JMJD1C: variants seen among roughly 807,000 people sequenced by gnomAD.
The protein encoded by JMJD1C is jumonji domain-containing protein 1C.
In JMJD1C, 31 loss-of-function variants were observed where a neutral mutation model predicts 245.3. That is an observed-to-expected ratio of 0.13 (90% CI 0.09 to 0.17). The LOEUF is 0.17. JMJD1C is among the 10% of genes least tolerant of loss of function. JMJD1C has a pLI of 1.00. For synonymous variants in JMJD1C, 1,057 were observed against 1,017.4 expected, an observed-to-expected ratio of 1.04 and a Z score of -0.74; for missense variants, 2,691 against 3,000.2, an observed-to-expected ratio of 0.90 and a Z score of 2.41.
chr10:63,334,370 C>A (rs1033119233), intron 2 of JMJD1C, among the ~76,000 whole-genome samples: 4 of 152,082 alleles, frequency 2.6e-5, no homozygotes, highest in South Asian at 2.1e-4. Context: ...TACTAATGAA[C>A]ACAGATGAAT....
chr10:63,405,568 C>T (rs1949120062), intron 1 of JMJD1C, among the ~76,000 whole-genome samples: 1 of 152,092 alleles, frequency 6.6e-6, no homozygotes, highest in African/African-American at 2.4e-5. Flanking sequence ...AGTGATCCAC[C>T]CACCTCAGTC....
intron 2 of JMJD1C, among the ~76,000 whole-genome samples, chr10:63,369,228 C>G (rs575644878): frequency 2.6e-5 from 4 of 152,082 alleles, no homozygotes; most frequent in African/African-American, 9.6e-5. Context: ...ACTGCAACCT[C>G]TGCCTTCCAG....
At chr10:63,201,801 A>G (rs1259509011) in intron 10 of JMJD1C, among the ~76,000 whole-genome samples, 1 of 151,940 alleles carries the variant, frequency 6.6e-6, no homozygotes, top group African/African-American at 2.4e-5. Context: ...ATGGTGGCGC[A>G]TACCTGTAGT....
intron 2 of JMJD1C, among the ~76,000 whole-genome samples, chr10:63,307,310 T>C (rs1346681078): frequency 6.6e-6 from 1 of 152,348 alleles, no homozygotes; most frequent in African/African-American, 2.4e-5. Context: ...TGCATTTCAG[T>C]ATATTTCAAT....
At chr10:63,453,291 A>C (rs1952187292) in intron 1 of JMJD1C, among the ~76,000 whole-genome samples, 1 of 152,228 alleles carries the variant, frequency 6.6e-6, no homozygotes, top group Non-Finnish European at 1.5e-5. Context: ...ACCAAAACAA[A>C]AATAGTTAAA....
At chr10:63,234,867 T>C (rs928186197) in intron 3 of JMJD1C, among the ~76,000 whole-genome samples, 5 of 152,142 alleles carry the variant, frequency 3.3e-5, no homozygotes, top group Non-Finnish European at 7.4e-5. Context: ...TTATAAAACC[T>C]TTGCTAGTCA....
chr10:63,275,820 CTTT>C (rs921156330), intron 2 of JMJD1C, among the ~76,000 whole-genome samples: 1 of 152,108 alleles, frequency 6.6e-6, no homozygotes, highest in Non-Finnish European at 1.5e-5. Flanking sequence ...ACTTTCAGCC[CTTT>C]TTTTCCTCAC....
At chr10:63,483,506 T>G (rs1038663509) in intron 1 of JMJD1C, among the ~76,000 whole-genome samples, 2 of 152,222 alleles carry the variant, frequency 1.3e-5, no homozygotes, top group Non-Finnish European at 2.9e-5. Flanking sequence ...TCACCCTCCA[T>G]GTGACAACCA....
chr10:63,448,470 A>C (rs1951841144), intron 1 of JMJD1C, among the ~76,000 whole-genome samples: 1 of 152,128 alleles, frequency 6.6e-6, no homozygotes, highest in South Asian at 2.1e-4. Context: ...ATACATTTTA[A>C]AATATCACAA....
chr10:63,449,925 C>T (rs941724772), intron 1 of JMJD1C, among the ~76,000 whole-genome samples: 2 of 151,896 alleles, frequency 1.3e-5, no homozygotes, highest in African/African-American at 2.4e-5. Context: ...CCAGCCTGGG[C>T]AACAAAGGGA....
chr10:63,305,107 A>G (rs186211019), intron 2 of JMJD1C, among the ~76,000 whole-genome samples: 3 of 151,952 alleles, frequency 2.0e-5, no homozygotes, highest in Admixed American at 1.3e-4. Flanking sequence ...GGTGGCTCAC[A>G]CCTGTAATCC....
At chr10:63,299,762 C>T (rs1305900599) in intron 2 of JMJD1C, among the ~76,000 whole-genome samples, 2 of 152,038 alleles carry the variant, frequency 1.3e-5, no homozygotes, top group Non-Finnish European at 2.9e-5. Context: ...AGAAACTCTA[C>T]AAGAATGCCC....
intron 2 of JMJD1C, among the ~76,000 whole-genome samples, chr10:63,338,116 A>G (rs1943019274): frequency 6.6e-6 from 1 of 152,186 alleles, no homozygotes; most frequent in African/African-American, 2.4e-5. Context: ...GTTTATCTGG[A>G]GCTCTTTAGA....
At chr10:63,279,770 AATTT>A (rs759130524) in intron 2 of JMJD1C, among the ~76,000 whole-genome samples, 2 of 152,218 alleles carry the variant, frequency 1.3e-5, no homozygotes, top group Non-Finnish European at 2.9e-5. Context: ...TTAATTAATT[AATTT>A]ATGTGAAAGA....
chr10:63,361,762 T>C (rs921553043), intron 2 of JMJD1C, among the ~76,000 whole-genome samples: 3 of 142,516 alleles, frequency 2.1e-5, no homozygotes, highest in Admixed American at 7.0e-5. Context: ...AAGAATATCC[T>C]ACTCCTCAAT....
intron 1 of JMJD1C, among the ~76,000 whole-genome samples, chr10:63,406,217 T>G (rs762250725): frequency 6.6e-6 from 1 of 152,038 alleles, no homozygotes; most frequent in African/African-American, 2.4e-5. Flanking sequence ...AAAAAGTAAA[T>G]GAAGAGCAAA....
intron 2 of JMJD1C, among the ~76,000 whole-genome samples, chr10:63,309,441 C>G (rs972037718): frequency 1.5e-5 from 2 of 136,860 alleles, no homozygotes; most frequent in South Asian, 2.3e-4. Context: ...TTGCAGTGAG[C>G]CAAGATCGCA....
chr10:63,490,402 T>C (rs1409164562), intron 1 of JMJD1C, among the ~76,000 whole-genome samples: 2 of 148,644 alleles, frequency 1.3e-5, no homozygotes, highest in African/African-American at 4.9e-5. Flanking sequence ...TAGCACAATC[T>C]ATAATTATTT....
chr10:63,501,044 C>A (rs1221751871), intron 1 of JMJD1C, among the ~76,000 whole-genome samples: 2 of 151,782 alleles, frequency 1.3e-5, no homozygotes, highest in Non-Finnish European at 2.9e-5. Flanking sequence ...GATGAGGACA[C>A]GAAGACATAA....
Sources: gnomAD v4.1 joint callset for allele counts (sites outside exome capture counted in the v4.1 genomes callset) on GRCh38, gnomAD v4.1.1 for gene constraint, MANE v1.5 for transcripts, NCBI Gene and HGNC (gene_info 2026-07-23, HGNC 2026-07-21) for gene names.